MAMLD1: variants seen among roughly 807,000 people sequenced by gnomAD.
MAMLD1 encodes the protein mastermind like domain containing 1.
In MAMLD1, 14 loss-of-function variants were observed where a neutral mutation model predicts 45.0. That is an observed-to-expected ratio of 0.31 (90% CI 0.21 to 0.49). MAMLD1 has a LOEUF of 0.49. MAMLD1 is among the 20% of genes least tolerant of loss of function. MAMLD1 has a pLI of 0.99. For synonymous variants in MAMLD1, 254 were observed against 247.8 expected, an observed-to-expected ratio of 1.02 and a Z score of -0.24; for missense variants, 543 against 603.6, an observed-to-expected ratio of 0.90 and a Z score of 1.05.
chrX:150,378,988 AG>A (rs1204438293), intron 1 of MAMLD1, among the ~76,000 whole-genome samples: 1 of 112,240 alleles, frequency 8.9e-6, no homozygotes, highest in African/African-American at 3.2e-5. Flanking sequence ...GGGTACTAAA[AG>A]CATGCGCATT....
chrX:150,370,950 A>C (rs1557401009), intron 1 of MAMLD1, among the ~76,000 whole-genome samples: 1 of 111,659 alleles, frequency 9.0e-6, no homozygotes, highest in African/African-American at 3.3e-5. Context: ...CTCTTTGCAA[A>C]GTTTAGGAGA....
chrX:150,420,471 G>A (rs1188434845), intron 1 of MAMLD1, among the ~76,000 whole-genome samples: 7 of 111,344 alleles, frequency 6.3e-5, no homozygotes, highest in African/African-American at 1.3e-4. Flanking sequence ...GCTTTGTTCC[G>A]TTGCTGGTGA....
intron 2 of MAMLD1, among the ~76,000 whole-genome samples, chrX:150,460,685 G>A (rs1367124982): frequency 1.8e-5 from 2 of 112,008 alleles, no homozygotes; most frequent in Admixed American, 1.9e-4. Context: ...TATCTGTAGA[G>A]AGAGCTGTGG....
In MAMLD1 at chrX:150,512,750, G is replaced by C; in HGVS notation, c.*791G>C. On this transcript the variant is annotated 3_prime_UTR_variant, in exon 8 of 8. Transcript: ENST00000370401. ...CATCGAGCCACCAAGCTATGTGGCT[G>C]CTGCTGCCACCGCTGCTGCTGCTTC... 8.7e-7 allele frequency: 1 copy of C among 1,155,107 alleles called. No homozygotes were observed. Among genetic ancestry groups the C allele is most frequent in the Non-Finnish European group, 1.1e-6 (1 of 872,060 alleles).
intron 5 of MAMLD1, among the ~76,000 whole-genome samples, chrX:150,491,887 C>T (rs781901490): frequency 1.5e-4 from 17 of 112,354 alleles, no homozygotes; most frequent in African/African-American, 5.5e-4. Context: ...CAGATGGAAC[C>T]GTGCTGAGCT....
chrX:150,432,670 A>G (rs1425903004), intron 1 of MAMLD1, among the ~76,000 whole-genome samples: 1 of 112,138 alleles, frequency 8.9e-6, no homozygotes, highest in Non-Finnish European at 1.9e-5. Flanking sequence ...TGTACTGAAT[A>G]TGGAGTTCTT....
chrX:150,421,042 T>A (rs782265004), intron 1 of MAMLD1: 119 of 116,834 alleles, frequency 1.0e-3, no homozygotes, highest in South Asian at 2.4e-3. Context: ...CCAGCCTCGC[T>A]GCTGCCTTGC....
At chrX:150,437,499 T>A (rs1170211294) in intron 1 of MAMLD1, among the ~76,000 whole-genome samples, 1 of 112,322 alleles carries the variant, frequency 8.9e-6, no homozygotes, top group Non-Finnish European at 1.9e-5. Flanking sequence ...TGAAGTGTGA[T>A]GTTAACTGTA....
intron 1 of MAMLD1, among the ~76,000 whole-genome samples, chrX:150,397,209 T>C (rs1187844479): frequency 3.6e-5 from 4 of 112,063 alleles, no homozygotes; most frequent in Non-Finnish European, 7.5e-5. Context: ...TTTTATGTTT[T>C]ATTTTTTTCC....
At chrX:150,425,578 G>T (rs1325642755) in intron 1 of MAMLD1, among the ~76,000 whole-genome samples, 2 of 111,941 alleles carry the variant, frequency 1.8e-5, no homozygotes, top group Non-Finnish European at 3.8e-5. Flanking sequence ...CAGGCTCTAG[G>T]TTGGGTGATG....
intron 2 of MAMLD1, among the ~76,000 whole-genome samples, chrX:150,457,408 G>A (rs782276045): frequency 2.7e-5 from 3 of 112,454 alleles, no homozygotes; most frequent in Non-Finnish European, 3.8e-5. Context: ...GAAAAACAGT[G>A]TGGTGGTTCC....
intron 1 of MAMLD1, among the ~76,000 whole-genome samples, chrX:150,426,708 A>T (rs1302041855): frequency 9.0e-6 from 1 of 110,774 alleles, no homozygotes; most frequent in Non-Finnish European, 1.9e-5. Context: ...GGATCTCAGG[A>T]TGTTCCAGCT....
At chrX:150,424,600 G>C (rs920858087) in intron 1 of MAMLD1, among the ~76,000 whole-genome samples, 9 of 112,352 alleles carry the variant, frequency 8.0e-5, no homozygotes, top group African/African-American at 2.6e-4. Context: ...GCTAATGGTA[G>C]AGGGTATAAA....
At chrX:150,507,708 C>T (rs781791289) in intron 6 of MAMLD1, among the ~76,000 whole-genome samples, 11 of 112,372 alleles carry the variant, frequency 9.8e-5, no homozygotes, top group South Asian at 3.7e-4. Context: ...GTGTGCTTCC[C>T]GGGATGAAGA....
Position 150,445,372 on chromosome X carries a change from T to C in MAMLD1, c.-63-82T>C, listed in dbSNP as rs1054303485. 1.7e-4 allele frequency: 87 copies of C among 504,803 alleles called. No individual in the cohort carries two copies. In the South Asian group the frequency reaches 2.2e-3, roughly 13 times the overall value. 41.6% of individuals were successfully genotyped at this position (504,803 alleles called of 1,213,427 possible). A position where few individuals can be genotyped will look rare whatever the true frequency, so the allele number is the denominator to read the frequency against. On this transcript the variant is annotated intron_variant, in intron 1 of 7. Coordinates refer to ENST00000370401, the MANE Select transcript of MAMLD1 (RefSeq NM_005491.5). ...GTGGCTGACTCCACACAAACCTGTC[T>C]TCAGAGTGAAAGTCTGTGATTCACG...
At chrX:150,467,033 C>T (rs1028627356) in intron 3 of MAMLD1, among the ~76,000 whole-genome samples, 7 of 97,533 alleles carry the variant, frequency 7.2e-5, no homozygotes, top group Non-Finnish European at 1.4e-4. Flanking sequence ...TTCTGCATTG[C>T]TTCGCCATTG....
chrX:150,418,308 G>A (rs200851054), intron 1 of MAMLD1, among the ~76,000 whole-genome samples: 3,853 of 109,712 alleles, frequency 0.035, 61 homozygotes, highest in East Asian at 0.093. Flanking sequence ...TTTTTATTGC[G>A]TCTATTTGAT....
intron 5 of MAMLD1, among the ~76,000 whole-genome samples, chrX:150,482,995 A>G (rs2036868807): frequency 8.9e-6 from 1 of 112,270 alleles, no homozygotes; most frequent in African/African-American, 3.2e-5. Context: ...TTGCTGAGTA[A>G]TACAGGAGCC....
rs1260100892 is a variant in MAMLD1, at chrX:150,511,871, G to T, written c.*45-133G>T. 1.9e-5 allele frequency: 9 copies of T among 470,681 alleles called. No individual in the cohort carries two copies. The South Asian group carries it at 3.0e-4, about 16-fold the overall frequency. The allele number at this position is 470,681 out of a possible 1,213,427, so 38.8% of individuals were successfully genotyped here. Reference sequence around the variant, plus strand: ...GGAATGGCGAGGAACTGGGGAGCAGGGGGGAGCTCAGTAGAGAGCCAAGGG... The same window carrying T: ...GGAATGGCGAGGAACTGGGGAGCAGTGGGGAGCTCAGTAGAGAGCCAAGGG... On this transcript the variant is annotated intron_variant, in intron 7 of 7. Transcript: ENST00000370401.
Sources: gnomAD v4.1 joint callset for allele counts (sites outside exome capture counted in the v4.1 genomes callset) on GRCh38, gnomAD v4.1.1 for gene constraint, MANE v1.5 for transcripts, NCBI Gene and HGNC (gene_info 2026-07-23, HGNC 2026-07-21) for gene names.